ASB17: variants seen among roughly 807,000 people sequenced by gnomAD.
ASB17 encodes the protein ankyrin repeat and SOCS box containing 17, also known as ankyrin repeat and SOCS box protein 17.
A neutral mutation model predicts 25.7 loss-of-function variants in ASB17; 26 were observed. That is an observed-to-expected ratio of 1.01 (90% CI 0.74 to 1.40). The LOEUF (loss-of-function observed/expected upper bound fraction) is 1.40. Ranked by LOEUF, ASB17 falls within the 40% of genes most tolerant of loss-of-function variation. ASB17 has a pLI of 0.00. For synonymous variants in ASB17, 128 were observed against 121.4 expected, an observed-to-expected ratio of 1.05 and a Z score of -0.36; for missense variants, 326 against 338.5, an observed-to-expected ratio of 0.96 and a Z score of 0.29.
intron 1 of ASB17, among the ~76,000 whole-genome samples, chr1:75,928,803 C>T (rs1364788235): frequency 2.0e-5 from 3 of 152,162 alleles, no homozygotes; most frequent in African/African-American, 4.8e-5. Flanking sequence ...GCAGTTGCTA[C>T]GTATCTGACA....
chr1:75,929,511 G>A (rs567760558), intron 1 of ASB17, among the ~76,000 whole-genome samples: 26 of 152,234 alleles, frequency 1.7e-4, no homozygotes, highest in African/African-American at 6.3e-4. Flanking sequence ...GAGCCATCGT[G>A]CCCAGCTTCA....
At position 75,922,067 on chromosome 1, in the gene ASB17, G is replaced by C. The variant is rs1256333857; in HGVS notation, c.681+13C>G. The C allele has an allele frequency of 4.4e-6, 7 of 1,580,916 alleles. No individual in the cohort carries two copies. In the East Asian group the frequency reaches 1.6e-4, roughly 36 times the overall value. The stretch of plus-strand genomic sequence containing the variant: ...AATATTTGAGCCCATTTTTTTTAAA[G>C]TAGTTTTCTTACCTTTATTTCCTTG... On this transcript the variant is annotated intron_variant, in intron 2 of 2. Transcript: ENST00000284142.
intron 1 of ASB17, among the ~76,000 whole-genome samples, chr1:75,923,339 G>C (rs17097696): frequency 0.053 from 8,136 of 152,116 alleles, 372 homozygotes; most frequent in African/African-American, 0.12. Context: ...GTCACATGAT[G>C]GCTAGACTTA....
Position 75,932,131 on chromosome 1 carries a change from A to C in ASB17, c.161T>G (p.Ile54Ser), listed in dbSNP as rs1243511886. The C allele has an allele frequency of 1.9e-6, 3 of 1,614,110 alleles. No individual in the cohort carries two copies. The Admixed American group carries it at 5.0e-5, about 27-fold the overall frequency. Residue 54 changes from isoleucine (I) to serine (S), a missense_variant, in exon 1 of 3, where the codon ATT becomes AGT. Ile to Ser is a moderately radical substitution (Grantham distance 142, BLOSUM62 -2). Transcript: ENST00000284142. Reference sequence around the variant, plus strand: ...ACCATCCAAGTCCACATACCTCAGAATTTTTGCCAGTGATCTGTAAATCCT... The same window carrying C: ...ACCATCCAAGTCCACATACCTCAGACTTTTTGCCAGTGATCTGTAAATCCT... ...EPRIYRSLAK[I>S]LRYVDLDGFD...
Position 75,921,235 on chromosome 1 carries a change from C to A in ASB17, c.681+845G>T, listed in dbSNP as rs372346564. On this transcript the variant is annotated intron_variant, in intron 2 of 2. Coordinates refer to ENST00000284142, the MANE Select transcript of ASB17 (RefSeq NM_080868.3). ...AAAAATTTGTTTTAAAAATGGGCTG[C>A]CAAAATAATTTGATAAATTTGCTTT... is the stretch of plus-strand genomic sequence containing the variant. Among the ~76,000 whole-genome samples, 13 of 152,052 alleles carry A rather than the reference C, an allele frequency of 8.5e-5. No homozygotes were observed. The East Asian group carries it at 1.2e-3, about 14-fold the overall frequency.
chr1:75,928,607 T>G (rs1467128782), intron 1 of ASB17, among the ~76,000 whole-genome samples: 1 of 152,224 alleles, frequency 6.6e-6, no homozygotes, highest in African/African-American at 2.4e-5. Flanking sequence ...GTATTCATTA[T>G]GAGGACATAA....
intron 1 of ASB17, among the ~76,000 whole-genome samples, chr1:75,928,520 T>C (rs1653232917): frequency 6.6e-6 from 1 of 152,236 alleles, no homozygotes. Flanking sequence ...AATTATCAAA[T>C]TAGAGTCTAA....
intron 1 of ASB17, among the ~76,000 whole-genome samples, chr1:75,931,475 A>G (rs1653319652): frequency 1.3e-5 from 2 of 152,158 alleles, no homozygotes; most frequent in African/African-American, 4.8e-5. Context: ...ATAGGGAACT[A>G]TTGTGTTTAA....
In ASB17 at chr1:75,932,112, C is replaced by T; in HGVS notation, c.180G>A (p.Leu60=). 6.2e-7 allele frequency: 1 copy of T among 1,614,080 alleles called. No individual in the cohort carries two copies. Among genetic ancestry groups the T allele is most frequent in the Non-Finnish European group, 8.5e-7 (1 of 1,180,000 alleles). The change falls in exon 1 of 3, where the codon TTG becomes TTA. Residue 60 remains leucine, a synonymous_variant. Transcript: ENST00000284142. ...SLAKILRYVD[L]DGFDALLTDY... ...CTGTGAGTAGTGCGTCAAAACCATC[C>T]AAGTCCACATACCTCAGAATTTTTG...
rs1388334097 is a variant in ASB17, at chr1:75,922,642, A to T, written c.402-283T>A. Among the ~76,000 whole-genome samples the T allele has an allele frequency of 2.6e-5, 4 of 151,732 alleles. No homozygotes were observed. In the East Asian group the frequency reaches 7.7e-4, roughly 29 times the overall value. ...CTCCCGAGTAGCTGGGATTACAGGC[A>T]TGTGCCACCACACCTGGCTAATTTT... On this transcript the variant is annotated intron_variant, in intron 1 of 2. Transcript: ENST00000284142.
intron 1 of ASB17, among the ~76,000 whole-genome samples, chr1:75,928,968 A>G (rs1043917797): frequency 5.3e-5 from 8 of 152,188 alleles, no homozygotes; most frequent in African/African-American, 1.9e-4. Context: ...TGAGTAGGAA[A>G]GGCCTCTTTG....
chr1:75,923,702 A>G (rs573724055), intron 1 of ASB17, among the ~76,000 whole-genome samples: 1 of 152,338 alleles, frequency 6.6e-6, no homozygotes, highest in South Asian at 2.1e-4. Flanking sequence ...AAGACTGCAT[A>G]TATAGTACTT....
intron 1 of ASB17, among the ~76,000 whole-genome samples, chr1:75,931,324 C>T (rs1390565603): frequency 2.0e-5 from 3 of 152,020 alleles, no homozygotes; most frequent in African/African-American, 7.2e-5. Flanking sequence ...TTCATAAGAT[C>T]CTCAGTAGTA....
At chr1:75,922,496 T>TTC in intron 1 of ASB17, 137 bp from the exon 2 acceptor site, 1 of 577,960 alleles carries the variant, frequency 1.7e-6, no homozygotes, top group South Asian at 4.4e-5. Flanking sequence ...TTCTTTTTTT[T>TTC]TTTTTTTTTT....
At chr1:75,919,312 G>A (rs1652966153) in intron 2 of ASB17, among the ~76,000 whole-genome samples, 154 bp from the exon 3 acceptor site, 1 of 151,794 alleles carries the variant, frequency 6.6e-6, no homozygotes, top group Admixed American at 6.6e-5. Context: ...CTTGAGGCAA[G>A]TATTTTATTC....
In ASB17 at chr1:75,922,291, G is replaced by C; in HGVS notation, c.470C>G (p.Thr157Arg). Residue 157 changes from threonine to arginine, a missense_variant, in exon 2 of 3, where the codon ACA becomes AGA. Thr to Arg is a moderately conservative substitution (Grantham distance 71). Coordinates refer to ENST00000284142, the MANE Select transcript of ASB17 (RefSeq NM_080868.3). The part of the protein sequence containing the change: ...GITPLFYVAQ[T>R]RQSNIFKILL... ...TATTTTGAAGATATTAGACTGTCTT[G>C]TCTGAGCTACATAAAAGAGAGGTGT... The C allele has an allele frequency of 1.2e-6, 2 of 1,613,106 alleles. No individual in the cohort carries two copies. The highest frequency in any genetic ancestry group is 2.2e-5 in the South Asian group (2 of 91,058).
In ASB17 at chr1:75,929,974, G is replaced by C. The variant is rs530974110; in HGVS notation, c.401+1917C>G. Among the ~76,000 whole-genome samples, 26 of 148,262 alleles carry C rather than the reference G, an allele frequency of 1.8e-4. No homozygotes were observed. The East Asian group carries it at 3.4e-3, about 20-fold the overall frequency. On this transcript the variant is annotated intron_variant, in intron 1 of 2. Coordinates refer to ENST00000284142, the MANE Select transcript of ASB17 (RefSeq NM_080868.3). Reference sequence around the variant, plus strand: ...GGGGAAGGAGAAGGTTGGCAGAGAGGGGGGGTGAGTTAGATCAGTATTCCG... The same window carrying C: ...GGGGAAGGAGAAGGTTGGCAGAGAGCGGGGGTGAGTTAGATCAGTATTCCG...
intron 1 of ASB17, among the ~76,000 whole-genome samples, chr1:75,928,563 G>A (rs1049287034): frequency 1.3e-5 from 2 of 152,282 alleles, no homozygotes; most frequent in East Asian, 1.9e-4. Flanking sequence ...TGATGTTGTC[G>A]AAGTAAAGAA....
At position 75,918,906 on chromosome 1, in the gene ASB17, C is replaced by G; in HGVS notation, c.*46G>C. 1 of 1,453,124 alleles carries G rather than the reference C, an allele frequency of 6.9e-7. No homozygotes were observed. Among genetic ancestry groups the G allele is most frequent in the Non-Finnish European group, 9.7e-7 (1 of 1,034,918 alleles). The allele number at this position is 1,453,124 out of a possible 1,614,324, so 90.0% of individuals were successfully genotyped here. A position where few individuals can be genotyped will look rare whatever the true frequency, so the allele number is the denominator to read the frequency against. On this transcript the variant is annotated 3_prime_UTR_variant, in exon 3 of 3. Transcript: ENST00000284142. Reference sequence around the variant, plus strand: ...AGTGAATTTTTATTAACTTCTAAGCCATACATTGGTAAGCATTGTTAAGGA... The same window carrying G: ...AGTGAATTTTTATTAACTTCTAAGCGATACATTGGTAAGCATTGTTAAGGA...
Sources: allele counts gnomAD v4.1 joint callset (sites outside exome capture counted in the v4.1 genomes callset), GRCh38; gene constraint gnomAD v4.1.1; transcripts MANE v1.5; gene names NCBI Gene and HGNC (gene_info 2026-07-23, HGNC 2026-07-21).